SAG: variants seen among roughly 807,000 people sequenced by gnomAD.
SAG encodes the protein S-arrestin.
SAG carries 45 observed loss-of-function variants against 55.0 expected under a neutral mutation model. That is an observed-to-expected ratio of 0.82 (90% CI 0.64 to 1.05). The LOEUF (loss-of-function observed/expected upper bound fraction) is 1.05, where lower values mean the gene tolerates loss of function less well. Ranked by LOEUF, SAG falls within the 50% of genes least tolerant of loss-of-function variation. SAG has a pLI of 0.00. For missense variants in SAG, 455 were observed against 512.1 expected (o/e 0.89, Z 1.08); for synonymous variants, 189 against 197.4 (o/e 0.96, Z 0.36).
intron 2 of SAG, among the ~76,000 whole-genome samples, chr2:233,315,449 T>C (rs1213522290): frequency 1.3e-5 from 2 of 151,598 alleles, no homozygotes; most frequent in African/African-American, 2.4e-5. Context: ...TATACCATCA[T>C]GCCCAGCTAA....
At chr2:233,333,134 A>G (rs1441097720) in intron 10 of SAG, 2 of 152,240 alleles carry the variant, frequency 1.3e-5, no homozygotes, top group African/African-American at 4.8e-5. Flanking sequence ...AGGAGAAACT[A>G]TTACTGTTAT....
intron 6 of SAG, among the ~76,000 whole-genome samples, chr2:233,326,510 G>C (rs1254282864): frequency 6.6e-6 from 1 of 151,798 alleles, no homozygotes; most frequent in East Asian, 1.9e-4. Flanking sequence ...GCTTGAACTC[G>C]GGAGGCGGAG....
intron 12 of SAG, among the ~76,000 whole-genome samples, chr2:233,339,463 G>A (rs905179887): frequency 2.0e-5 from 3 of 151,750 alleles, no homozygotes; most frequent in Non-Finnish European, 4.4e-5. Flanking sequence ...AGGAAAATAA[G>A]CGTTTAAAAA....
rs781443801 is a variant in SAG at position 233,346,802 on chromosome 2, T to A, written c.1113-5T>A. ...ATGATCAAAATGTTGTTTGTTTTAT[T>A]TTAGTTATCAGGATGCAAATTTAGT... On this transcript the variant is annotated splice_polypyrimidine_tract_variant and splice_region_variant and intron_variant, in intron 15 of 15. Coordinates refer to ENST00000409110, the MANE Select transcript of SAG (RefSeq NM_000541.5). 6.3e-7 allele frequency: 1 copy of A among 1,580,222 alleles called. No individual in the cohort carries two copies. The highest frequency in any genetic ancestry group is 2.2e-5 in the East Asian group (1 of 44,656).
intron 13 of SAG, 110 bp from the exon 14 acceptor site, chr2:233,342,161 C>T: frequency 1.3e-6 from 1 of 741,834 alleles, no homozygotes; most frequent in Non-Finnish European, 2.3e-6. Flanking sequence ...CATTGTCTTT[C>T]AGCTTGGGCC....
chr2:233,312,754 C>T (rs761428412), intron 2 of SAG, among the ~76,000 whole-genome samples: 7 of 152,326 alleles, frequency 4.6e-5, no homozygotes, highest in South Asian at 4.1e-4. Flanking sequence ...TGCCCTCAAC[C>T]GTCCCCTGTC....
At chr2:233,344,590 T>C (rs774750266) in intron 14 of SAG, 4 of 152,240 alleles carry the variant, frequency 2.6e-5, no homozygotes, top group African/African-American at 4.8e-5. Flanking sequence ...CTGTGAGATT[T>C]CTGGGAGCAA....
intron 10 of SAG, chr2:233,332,941 G>A (rs913572068): frequency 6.6e-6 from 1 of 152,216 alleles, no homozygotes; most frequent in African/African-American, 2.4e-5. Context: ...GGGATTACAG[G>A]AGTGAGCCAC....
chr2:233,320,649 C>A lies in SAG; in HGVS notation c.201C>A (p.Cys67Ter), dbSNP rs72976383. The A allele has an allele frequency of 6.2e-7, 1 of 1,600,362 alleles. No homozygotes were observed. Among genetic ancestry groups the A allele is most frequent in the Non-Finnish European group, 8.5e-7 (1 of 1,173,816 alleles). The change falls in exon 5 of 16, where the codon TGC (cysteine) becomes TGA (stop). Residue 67 changes from cysteine (C) to a stop codon, truncating the protein, a stop_gained. Transcript: ENST00000409110. LOFTEE classifies it high-confidence loss of function. ...TTGCAGTGTATGTCACTCTGACCTG[C>A]GCCTTCCGCTATGGCCAAGAGGACA... ...KGKKVYVTLT[C>*]AFRYGQEDID...
chr2:233,342,164 C>G (rs1701124557), intron 13 of SAG, 107 bp from the exon 14 acceptor site: 2 of 788,762 alleles, frequency 2.5e-6, no homozygotes, highest in Non-Finnish European at 4.2e-6. Context: ...TGTCTTTCAG[C>G]TTGGGCCTGG....
At position 233,319,915 on chromosome 2, in the gene SAG, C is replaced by T. The variant is rs1314797537; in HGVS notation, c.182-715C>T. 6.1e-6 allele frequency: 6 copies of T among 985,476 alleles called. No individual in the cohort carries two copies. Among genetic ancestry groups the T allele is most frequent in the South Asian group, 9.4e-5 (2 of 21,294 alleles). 61.0% of individuals were successfully genotyped at this position (985,476 alleles called of 1,614,324 possible). A position where few individuals can be genotyped will look rare whatever the true frequency, so the allele number is the denominator to read the frequency against. On this transcript the variant is annotated intron_variant, in intron 4 of 15. Transcript: ENST00000409110. The surrounding 1 kb of genome is among the most constrained non-coding windows in gnomAD (Gnocchi z 4.4). ...CAACCAACAGCTACCACGCACTTGGCGGGGCCGCCTCTCGTGCTTTATATT... is the reference window on the plus strand; with the variant it reads ...CAACCAACAGCTACCACGCACTTGGTGGGGCCGCCTCTCGTGCTTTATATT...
chr2:233,346,811 C>G lies in SAG; in HGVS notation c.1117C>G (p.Gln373Glu). 2.5e-6 allele frequency: 4 copies of G among 1,597,324 alleles called. No homozygotes were observed. The highest frequency in any genetic ancestry group is 3.4e-6 in the Non-Finnish European group (4 of 1,166,370). The change falls in exon 16 of 16, where the codon CAG becomes GAG. Residue 373 changes from glutamine (Q) to glutamate (E), a missense_variant. Coordinates refer to ENST00000409110, the MANE Select transcript of SAG (RefSeq NM_000541.5). ...ATGTTGTTTGTTTTATTTTAGTTAT[C>G]AGGATGCAAATTTAGTTTTTGAGGA... Reference protein sequence around the residue: ...QPEDPAKESYQDANLVFEEFA... With the variant: ...QPEDPAKESYEDANLVFEEFA...
chr2:233,309,363 T>G (rs917647120), intron 2 of SAG, 99 bp downstream of exon 2: 2 of 1,134,914 alleles, frequency 1.8e-6, no homozygotes, highest in Admixed American at 4.0e-5. Context: ...TCAAAACTCT[T>G]TGAGGGCCAG....
At chr2:233,333,639 TG>T (rs1208458919) in intron 10 of SAG, 1 of 152,140 alleles carries the variant, frequency 6.6e-6, no homozygotes, top group Non-Finnish European at 1.5e-5. Context: ...ACCCACATCC[TG>T]AAGCTCTGGG....
chr2:233,323,426 T>C (rs905322864), intron 6 of SAG, among the ~76,000 whole-genome samples: 1 of 151,946 alleles, frequency 6.6e-6, no homozygotes, highest in Non-Finnish European at 1.5e-5. Flanking sequence ...TGCAATGGCA[T>C]GATCTCGGCT....
At chr2:233,311,595 G>A (rs115018814) in intron 2 of SAG, among the ~76,000 whole-genome samples, 2,542 of 152,242 alleles carry the variant, frequency 0.017, 79 homozygotes, top group African/African-American at 0.056. Flanking sequence ...GAAGGGGTGT[G>A]TGGCTGTTGG....
chr2:233,311,632 C>T (rs1194378686), intron 2 of SAG, among the ~76,000 whole-genome samples: 1 of 152,156 alleles, frequency 6.6e-6, no homozygotes, highest in South Asian at 2.1e-4. Context: ...TGGCTACAGT[C>T]TCACATCACC....
chr2:233,342,111 G>A (rs1229619736), intron 13 of SAG, among the ~76,000 whole-genome samples, 160 bp from the exon 14 acceptor site: 12 of 141,330 alleles, frequency 8.5e-5, no homozygotes, highest in Non-Finnish European at 3.0e-5. Context: ...GCGACAGAGC[G>A]AGACTCCATC....
chr2:233,322,030 C>CACACACAG (rs1700397322), intron 5 of SAG, among the ~76,000 whole-genome samples: 2 of 106,716 alleles, frequency 1.9e-5, no homozygotes, highest in South Asian at 6.6e-4. Context: ...CACACACACA[C>CACACACAG]ACACACATTA....
Sources: allele counts gnomAD v4.1 joint callset (sites outside exome capture counted in the v4.1 genomes callset), GRCh38; gene constraint gnomAD v4.1.1; non-coding constraint Gnocchi (gnomAD v3.1); transcripts MANE v1.5; gene names NCBI Gene and HGNC (gene_info 2026-07-23, HGNC 2026-07-21).